Variants in ATCAY observed in about 807,000 individuals in gnomAD.
ATCAY encodes caytaxin.
A neutral mutation model predicts 47.7 loss-of-function variants in ATCAY; 22 were observed. The observed-to-expected ratio is 0.46, with a 90% confidence interval of 0.33 to 0.66. The LOEUF (loss-of-function observed/expected upper bound fraction) is 0.66. Ranked by LOEUF, ATCAY falls within the 30% of genes least tolerant of loss-of-function variation. ATCAY has a pLI of 0.02. For missense variants in ATCAY, 452 were observed against 515.0 expected, an observed-to-expected ratio of 0.88 and a Z score of 1.18; for synonymous variants, 216 against 207.6, an observed-to-expected ratio of 1.04 and a Z score of -0.35.
intron 2 of ATCAY, among the ~76,000 whole-genome samples, chr19:3,892,003 C>A (rs565468439): frequency 6.6e-6 from 1 of 152,222 alleles, no homozygotes; most frequent in African/African-American, 2.4e-5. Context: ...AATTCTCCTG[C>A]CTCAGCCTCC....
At chr19:3,910,209 C>A (rs1217239690) in intron 7 of ATCAY, among the ~76,000 whole-genome samples, 2 of 152,168 alleles carry the variant, frequency 1.3e-5, no homozygotes, top group East Asian at 3.8e-4. Flanking sequence ...CAGGATTTGT[C>A]CTTTTGTGTC....
rs932288204 is a variant in ATCAY at position 3,887,525 on chromosome 19, C to T, written c.77+1681C>T. Reference sequence around the variant, plus strand: ...TTTTTGAGACAGAGTGTCGCTTTGTCGCCCAGGCTGGAGTGCAGTGGCGCG... The same window carrying T: ...TTTTTGAGACAGAGTGTCGCTTTGTTGCCCAGGCTGGAGTGCAGTGGCGCG... On this transcript the variant is annotated intron_variant, in intron 2 of 12. Transcript: ENST00000450849. Among the ~76,000 whole-genome samples the T allele has an allele frequency of 5.3e-5, 8 of 150,888 alleles. No individual in the cohort carries two copies. The South Asian group carries it at 6.3e-4, about 12-fold the overall frequency.
chr19:3,909,887 C>T (rs1168219168), intron 7 of ATCAY, among the ~76,000 whole-genome samples: 1 of 152,172 alleles, frequency 6.6e-6, no homozygotes, highest in African/African-American at 2.4e-5. Flanking sequence ...GAGTTCAAGA[C>T]CAGCCCGGCC....
At chr19:3,896,368 A>G (rs1394752087) in intron 2 of ATCAY, among the ~76,000 whole-genome samples, 1 of 151,532 alleles carries the variant, frequency 6.6e-6, no homozygotes, top group East Asian at 2.0e-4. Flanking sequence ...CCCGGGTTCA[A>G]GCGATTCTCT....
chr19:3,892,704 C>T (rs2038728472), intron 2 of ATCAY, among the ~76,000 whole-genome samples: 1 of 152,002 alleles, frequency 6.6e-6, no homozygotes, highest in Non-Finnish European at 1.5e-5. Flanking sequence ...GTCGGGAGTT[C>T]AAGACCAGCC....
At chr19:3,920,663 T>TAATA (rs2039009573) in intron 11 of ATCAY, 103 bp from the exon 12 acceptor site, 7 of 1,031,670 alleles carry the variant, frequency 6.8e-6, no homozygotes, top group Non-Finnish European at 9.1e-6. Flanking sequence ...ATCTTAATAA[T>TAATA]AATAAATAAA....
At position 3,885,835 on chromosome 19, in the gene ATCAY, A is replaced by G. The variant is rs1357712867; in HGVS notation, c.68A>G (p.Asp23Gly). ...GTGAAGGAGGAATGGCAGGACGAAG[A>G]TCTTCCCAGGTAGGACTTCCACATC... ...VDVKEEWQDE[D>G]LPRPLPEETG... Residue 23 changes from aspartate to glycine, a missense_variant, in exon 2 of 13, where the codon GAT (aspartate) becomes GGT (glycine). Coordinates refer to ENST00000450849, the MANE Select transcript of ATCAY (RefSeq NM_033064.5). 1.3e-6 allele frequency: 2 copies of G among 1,551,940 alleles called. No individual in the cohort carries two copies. Among genetic ancestry groups the G allele is most frequent in the East Asian group, 2.4e-5 (1 of 40,936 alleles).
intron 2 of ATCAY, among the ~76,000 whole-genome samples, chr19:3,899,584 G>T (rs1029715833): frequency 5.3e-5 from 8 of 152,072 alleles, no homozygotes; most frequent in Admixed American, 4.6e-4. Context: ...CTAAGTGCCA[G>T]GATTACAGGC....
chr19:3,915,781 C>G (rs540743101), intron 9 of ATCAY, among the ~76,000 whole-genome samples: 4 of 148,310 alleles, frequency 2.7e-5, no homozygotes, highest in Non-Finnish European at 5.9e-5. Flanking sequence ...TCTCGAACTC[C>G]CGACCTCAGG....
chr19:3,888,613 G>A (rs1056156087), intron 2 of ATCAY, among the ~76,000 whole-genome samples: 11 of 152,222 alleles, frequency 7.2e-5, no homozygotes, highest in South Asian at 6.2e-4. Context: ...CCGGGCAGTA[G>A]AGTGAGTGAG....
In ATCAY at chr19:3,905,649, T is replaced by G; in HGVS notation, c.352T>G (p.Trp118Gly). The G allele has an allele frequency of 3.1e-6, 5 of 1,610,570 alleles. No homozygotes were observed. The highest frequency in any genetic ancestry group is 4.2e-6 in the Non-Finnish European group (5 of 1,178,904). The change falls in exon 4 of 13, where the codon TGG (tryptophan) becomes GGG (glycine). Residue 118 changes from tryptophan (W) to glycine (G), a missense_variant. By Grantham distance (184) the Trp-to-Gly change is radical. Coordinates refer to ENST00000450849, the MANE Select transcript of ATCAY (RefSeq NM_033064.5). Reference sequence around the variant, plus strand: ...CCTGGGGAATGGCAACGAACTGGAGTGGGAAGGTAAAGTTCAGGGTCTCTC... The same window carrying G: ...CCTGGGGAATGGCAACGAACTGGAGGGGGAAGGTAAAGTTCAGGGTCTCTC... The part of the protein sequence containing the change: ...EFLGNGNELE[W>G]EDDTPVATAK...
chr19:3,913,521 C>T (rs915302742), intron 8 of ATCAY, among the ~76,000 whole-genome samples: 1 of 152,178 alleles, frequency 6.6e-6, no homozygotes, highest in Non-Finnish European at 1.5e-5. Flanking sequence ...GGACCCATGT[C>T]AGGTGCATGG....
intron 2 of ATCAY, among the ~76,000 whole-genome samples, chr19:3,888,969 C>T (rs968311851): frequency 6.6e-6 from 1 of 152,084 alleles, no homozygotes; most frequent in Non-Finnish European, 1.5e-5. Context: ...CTCAGAATAG[C>T]CGAGAATCAG....
chr19:3,887,697 A>T (rs989300146), intron 2 of ATCAY, among the ~76,000 whole-genome samples: 3 of 150,070 alleles, frequency 2.0e-5, no homozygotes, highest in South Asian at 2.1e-4. Flanking sequence ...CATGTTAGCC[A>T]GGATGGTCTC....
chr19:3,903,723 C>G (rs113907160), intron 3 of ATCAY, among the ~76,000 whole-genome samples: 98 of 151,734 alleles, frequency 6.5e-4, no homozygotes, highest in Non-Finnish European at 1.0e-3. Context: ...TGGGGTCTCA[C>G]TATGTTGCCC....
intron 9 of ATCAY, 87 bp downstream of exon 9, chr19:3,913,943 A>G (rs1275615118): frequency 7.8e-7 from 1 of 1,276,392 alleles, no homozygotes; most frequent in Non-Finnish European, 1.1e-6. Flanking sequence ...AATTTACAAA[A>G]GAGGTTTAAG....
At chr19:3,883,952 C>G (rs754326859) in intron 1 of ATCAY, among the ~76,000 whole-genome samples, 20 of 152,054 alleles carry the variant, frequency 1.3e-4, no homozygotes, top group African/African-American at 4.1e-4. Flanking sequence ...ACTGCTCCCC[C>G]CTGCCCTGCC....
At chr19:3,922,039 G>A (rs1207127313) in intron 12 of ATCAY, 1 of 652,440 alleles carries the variant, frequency 1.5e-6, no homozygotes, top group Non-Finnish European at 2.8e-6. Flanking sequence ...CAGCAGGGAT[G>A]TGTGGCAAAA....
intron 10 of ATCAY, among the ~76,000 whole-genome samples, chr19:3,918,034 C>T (rs866487797): frequency 6.6e-6 from 1 of 152,036 alleles, no homozygotes; most frequent in African/African-American, 2.4e-5. Context: ...AGATGAGGCA[C>T]CCTTGGCAAA....
Sources: allele counts gnomAD v4.1 joint callset (sites outside exome capture counted in the v4.1 genomes callset), GRCh38; gene constraint gnomAD v4.1.1; transcripts MANE v1.5; gene names NCBI Gene and HGNC (gene_info 2026-07-23, HGNC 2026-07-21).